ALAD: variants seen among roughly 807,000 people sequenced by gnomAD.
ALAD encodes delta-aminolevulinic acid dehydratase.
ALAD carries 20 observed loss-of-function variants against 44.4 expected under a neutral mutation model. The ratio of observed to expected loss-of-function variants is 0.45; its 90% confidence interval spans 0.32 to 0.65. The LOEUF (loss-of-function observed/expected upper bound fraction) is 0.65. Among genes scored for constraint, ALAD ranks in the 30% least tolerant of loss-of-function variants. ALAD has a pLI of 0.05. For missense variants in ALAD, 323 were observed against 445.7 expected, an observed-to-expected ratio of 0.72 and a Z score of 2.48; for synonymous variants, 156 against 167.9, an observed-to-expected ratio of 0.93 and a Z score of 0.55.
rs780383993 is a variant in ALAD at position 113,391,524 on chromosome 9, C to T, written c.261+3G>A. 12 of 1,613,858 alleles carry T rather than the reference C, an allele frequency of 7.4e-6. No individual in the cohort carries two copies. Among genetic ancestry groups the T allele is most frequent in the Non-Finnish European group, 1.0e-5 (12 of 1,179,784 alleles). The stretch of plus-strand genomic sequence containing the variant: ...CTTCTTAGCCCTTCCTTTGATTCTT[C>T]ACCTTGGGAACTCTGCTGGGGACGC... On this transcript the variant is annotated splice_donor_region_variant and intron_variant, in intron 4 of 11. Coordinates refer to ENST00000409155, the MANE Select transcript of ALAD (RefSeq NM_000031.6).
chr9:113,387,364 TCAC>T lies in ALAD; in HGVS notation c.*933_*935del, dbSNP rs1251962959. 2.2e-4 allele frequency: 33 copies of T among 152,282 alleles called. No individual in the cohort carries two copies. The highest frequency in any genetic ancestry group is 2.0e-3 in the Admixed American group (31 of 15,280). The allele number at this position is 152,282 out of a possible 1,614,324, so 9.4% of individuals were successfully genotyped here. A position where few individuals can be genotyped will look rare whatever the true frequency, so the allele number is the denominator to read the frequency against. On this transcript the variant is annotated 3_prime_UTR_variant, in exon 12 of 12. Transcript: ENST00000409155. ...CTGGTGACCTCCTTCAGAGCACCTG[TCAC>T]CACATCACTGGTGCATGTCTGCCTC... is the stretch of plus-strand genomic sequence containing the variant.
chr9:113,390,630 C>CT lies in ALAD; in HGVS notation c.443dup (p.Arg149AlafsTer4). ...ACGCCAATGCCACCTCAGCCAGCCG[C>CT]TGGCGGCTCTCCTCAGCCCGGAATG... On this transcript the variant is annotated frameshift_variant, in exon 6 of 12. Transcript: ENST00000409155. LOFTEE classifies it high-confidence loss of function. 2 of 1,614,210 alleles carry CT rather than the reference C, an allele frequency of 1.2e-6. No individual in the cohort carries two copies. The highest frequency in any genetic ancestry group is 1.7e-6 in the Non-Finnish European group (2 of 1,180,024).
chr9:113,400,311 C>T (rs924157849), intron 1 of ALAD, among the ~76,000 whole-genome samples: 2 of 152,180 alleles, frequency 1.3e-5, no homozygotes, highest in East Asian at 3.8e-4. Context: ...GGATAGATAT[C>T]AAATCTGTTT....
chr9:113,397,336 C>T (rs1258943744), intron 1 of ALAD: 1 of 152,190 alleles, frequency 6.6e-6, no homozygotes, highest in Non-Finnish European at 1.5e-5. Context: ...GCCCTTCTCC[C>T]CATAGTCTCT....
chr9:113,388,478 G>A (rs1827470958), intron 11 of ALAD, 117 bp from the exon 12 acceptor site: 1 of 936,010 alleles, frequency 1.1e-6, no homozygotes, highest in South Asian at 1.3e-5. Context: ...CACAGCCTGT[G>A]GGCACACCAC....
Position 113,394,389 on chromosome 9 carries a change from T to C in ALAD, c.-75-755A>G, listed in dbSNP as rs139876336. Among the ~76,000 whole-genome samples the C allele has an allele frequency of 7.5e-4, 113 of 150,648 alleles. 1 individual carries two copies. The East Asian group carries it at 0.018, about 25-fold the overall frequency. ...CCTGTATCTACAAAAAGTTTAAAAA[T>C]CAGCCAGGTGTGGTGGTCCACACCT... On this transcript the variant is annotated intron_variant, in intron 1 of 11. Transcript: ENST00000409155.
chr9:113,387,149 C>G lies in ALAD; in HGVS notation c.*1151G>C, dbSNP rs1462390111. 6.6e-6 allele frequency: 1 copy of G among 152,312 alleles called. No homozygotes were observed. Among genetic ancestry groups the G allele is most frequent in the Non-Finnish European group, 1.5e-5 (1 of 68,112 alleles). 9.4% of individuals were successfully genotyped at this position (152,312 alleles called of 1,614,324 possible). On this transcript the variant is annotated 3_prime_UTR_variant, in exon 12 of 12. Transcript: ENST00000409155. ...CTCTCCACTCAGTTCAGGCCATCCTCTCAGTGCTCCAGACAAGCTAGCCTT... is the reference window on the plus strand; with the variant it reads ...CTCTCCACTCAGTTCAGGCCATCCTGTCAGTGCTCCAGACAAGCTAGCCTT...
chr9:113,388,061 C>T lies in ALAD; in HGVS notation c.*239G>A, dbSNP rs1332105531. 3.0e-5 allele frequency: 17 copies of T among 569,610 alleles called. No homozygotes were observed. The highest frequency in any genetic ancestry group is 5.1e-5 in the Non-Finnish European group (16 of 312,902). 35.3% of individuals were successfully genotyped at this position (569,610 alleles called of 1,614,324 possible). A position where few individuals can be genotyped will look rare whatever the true frequency, so the allele number is the denominator to read the frequency against. ...AAGAGCTGAGGGTGGCAAAGGTGGG[C>T]CTCACGGCTGACCCAGGGGAGGGGC... On this transcript the variant is annotated 3_prime_UTR_variant, in exon 12 of 12. Coordinates refer to ENST00000409155, the MANE Select transcript of ALAD (RefSeq NM_000031.6).
In ALAD at chr9:113,390,316, C is replaced by T. The variant is rs1043278646; in HGVS notation, c.570+89G>A. On this transcript the variant is annotated intron_variant, in intron 7 of 11. Transcript: ENST00000409155. The stretch of plus-strand genomic sequence containing the variant: ...GGACTACAGGTGTGAGCCAACACGC[C>T]CGGCAGTTCTGTGATTCTTAGCAGA... 2.9e-5 allele frequency: 40 copies of T among 1,390,466 alleles called. No individual in the cohort carries two copies. The African/African-American group carries it at 5.3e-4, about 18-fold the overall frequency. 86.1% of individuals were successfully genotyped at this position (1,390,466 alleles called of 1,614,324 possible). A position where few individuals can be genotyped will look rare whatever the true frequency, so the allele number is the denominator to read the frequency against.
Position 113,392,106 on chromosome 9 carries a change from C to T in ALAD, c.164+13G>A, listed in dbSNP as rs376533224. On this transcript the variant is annotated intron_variant, in intron 3 of 11. Transcript: ENST00000409155. ...TCCACCACCCGCTGGCCCCCCAACT[C>T]CACGTCTCCTACCTGGCCACTCCTG... is the stretch of plus-strand genomic sequence containing the variant. 214 of 1,606,224 alleles carry T rather than the reference C, an allele frequency of 1.3e-4. 1 individual carries two copies. Among genetic ancestry groups the T allele is most frequent in the Non-Finnish European group, 1.8e-4 (208 of 1,176,120 alleles).
intron 1 of ALAD, chr9:113,396,443 G>C (rs191298809): frequency 6.6e-6 from 1 of 152,134 alleles, no homozygotes; most frequent in African/African-American, 2.4e-5. Flanking sequence ...TTTGCAGGAT[G>C]AGTGGGTTCA....
rs202088243 is a variant in ALAD, at chr9:113,390,778, G to T, written c.397+20C>A. The T allele has an allele frequency of 2.2e-5, 36 of 1,603,094 alleles. No homozygotes were observed. Among genetic ancestry groups the T allele is most frequent in the Non-Finnish European group, 3.0e-5 (35 of 1,175,008 alleles). ...AGGAGTGTGGGTGGCAGCAGGGCTG[G>T]TGGGAGGGAGGGAACTCACCGCAGT... is the stretch of plus-strand genomic sequence containing the variant. On this transcript the variant is annotated intron_variant, in intron 5 of 11. Transcript: ENST00000409155.
chr9:113,392,560 C>T (rs1253265759), intron 2 of ALAD: 1 of 246,978 alleles, frequency 4.0e-6, no homozygotes. Context: ...TTAATTCATT[C>T]ATTCAACAAA....
chr9:113,390,785 G>GA lies in ALAD; in HGVS notation c.397+12_397+13insT. ...TGGGTGGCAGCAGGGCTGGTGGGAG[G>GA]GAGGGAACTCACCGCAGTGACCATG... On this transcript the variant is annotated intron_variant, in intron 5 of 11. Transcript: ENST00000409155. 3.1e-6 allele frequency: 5 copies of GA among 1,604,866 alleles called. No individual in the cohort carries two copies. The highest frequency in any genetic ancestry group is 3.4e-6 in the Non-Finnish European group (4 of 1,175,956).
intron 1 of ALAD, among the ~76,000 whole-genome samples, chr9:113,399,728 C>A (rs914152158): frequency 8.5e-5 from 13 of 152,182 alleles, no homozygotes; most frequent in Non-Finnish European, 1.3e-4. Context: ...TGCCACCCCC[C>A]ACCCCTGCAA....
At position 113,388,122 on chromosome 9, in the gene ALAD, G is replaced by C. The variant is rs545934397; in HGVS notation, c.*178C>G. On this transcript the variant is annotated 3_prime_UTR_variant, in exon 12 of 12. Coordinates refer to ENST00000409155, the MANE Select transcript of ALAD (RefSeq NM_000031.6). Reference sequence around the variant, plus strand: ...GGGAGAGCTCATAGGATGCAGCTGCGAGTTACAAGAGTTAGCATGCTGGCA... The same window carrying C: ...GGGAGAGCTCATAGGATGCAGCTGCCAGTTACAAGAGTTAGCATGCTGGCA... The C allele has an allele frequency of 1.5e-6, 1 of 680,210 alleles. No homozygotes were observed. Among genetic ancestry groups the C allele is most frequent in the Non-Finnish European group, 2.6e-6 (1 of 378,148 alleles). The allele number at this position is 680,210 out of a possible 1,614,324, so 42.1% of individuals were successfully genotyped here.
intron 4 of ALAD, among the ~76,000 whole-genome samples, 191 bp from the exon 5 acceptor site, chr9:113,391,124 G>A (rs2118990889): frequency 1.3e-5 from 2 of 152,302 alleles, no homozygotes; most frequent in South Asian, 4.1e-4. Flanking sequence ...ATTCACCTGT[G>A]GCCCCAGGGC....
Position 113,388,374 on chromosome 9 carries a change from A to G in ALAD, c.932-13T>C. 1 of 1,613,616 alleles carries G rather than the reference A, an allele frequency of 6.2e-7. No homozygotes were observed. The highest frequency in any genetic ancestry group is 8.5e-7 in the Non-Finnish European group (1 of 1,179,884). ...ATGATGTCAGCACCTGTGTTGGGAG[A>G]GATGCAGAAAGTTGCTGGGGGGACG... On this transcript the variant is annotated splice_polypyrimidine_tract_variant and intron_variant, in intron 11 of 11. Coordinates refer to ENST00000409155, the MANE Select transcript of ALAD (RefSeq NM_000031.6).
At position 113,389,790 on chromosome 9, in the gene ALAD, A is replaced by G; in HGVS notation, c.609T>C (p.Cys203=). ...VMSYSAKFAS[C]FYGPFRDAAK... ...CTGCTCACCGGAAAGGGCCATAGAA[A>G]CAGGAAGCAAATTTGGCACTGTAGC... Residue 203 remains cysteine (C), a synonymous_variant, in exon 8 of 12, where the codon TGT becomes TGC. Coordinates refer to ENST00000409155, the MANE Select transcript of ALAD (RefSeq NM_000031.6). 6.2e-7 allele frequency: 1 copy of G among 1,614,228 alleles called. No individual in the cohort carries two copies. The highest frequency in any genetic ancestry group is 8.5e-7 in the Non-Finnish European group (1 of 1,180,040).
Sources: gnomAD v4.1 joint callset for allele counts (sites outside exome capture counted in the v4.1 genomes callset) on GRCh38, gnomAD v4.1.1 for gene constraint, MANE v1.5 for transcripts, NCBI Gene and HGNC (gene_info 2026-07-23, HGNC 2026-07-21) for gene names.